The following NFIB variants were observed in gnomAD, a reference collection of about 807,000 sequenced individuals.
NFIB encodes the protein nuclear factor I B.
A neutral mutation model predicts 61.5 loss-of-function variants in NFIB; 11 were observed. The ratio of observed to expected loss-of-function variants is 0.18; its 90% CI spans 0.11 to 0.30. The LOEUF is 0.30. Among genes scored for constraint, NFIB ranks in the 10% least tolerant of loss-of-function variants. The probability of loss-of-function intolerance (pLI) is 1.00; values close to 1 mark genes in which losing one functional copy is unlikely to be tolerated. For missense variants in NFIB, 471 were observed against 608.9 expected (o/e 0.77, Z 2.38); for synonymous variants, 260 against 216.5 (o/e 1.20, Z -1.76).
the NFIB span, among the ~76,000 whole-genome samples, chr9:14,506,319 G>C: frequency 1.3e-5 from 2 of 152,098 alleles, no homozygotes; most frequent in African/African-American, 4.8e-5. Context: ...CCACCCATGA[G>C]AGCACCTGCC....
intron 1 of NFIB, among the ~76,000 whole-genome samples, chr9:14,375,771 A>G (rs1280397873): frequency 6.6e-6 from 1 of 152,198 alleles, no homozygotes; most frequent in Non-Finnish European, 1.5e-5. Flanking sequence ...ATCTTTTAAG[A>G]GGAAAAATTA....
At chr9:14,354,368 G>T (rs188258817) in intron 1 of NFIB, among the ~76,000 whole-genome samples, 124 of 152,298 alleles carry the variant, frequency 8.1e-4, no homozygotes, top group Non-Finnish European at 6.5e-4. Flanking sequence ...TAAAAATAAA[G>T]TACTAAAGTA....
intron 4 of NFIB, among the ~76,000 whole-genome samples, chr9:14,150,570 T>C (rs773949349): frequency 2.0e-5 from 3 of 152,118 alleles, no homozygotes; most frequent in Non-Finnish European, 4.4e-5. Context: ...GTCACTCTGC[T>C]AGTTAAAAAT....
chr9:14,497,584 C>G, the NFIB span, among the ~76,000 whole-genome samples: 10 of 152,182 alleles, frequency 6.6e-5, no homozygotes, highest in South Asian at 2.1e-4. Context: ...CATCTTATAG[C>G]AAATGAGGCA....
At chr9:14,366,090 C>CA (rs1307843365) in intron 1 of NFIB, among the ~76,000 whole-genome samples, 3 of 152,160 alleles carry the variant, frequency 2.0e-5, no homozygotes, top group African/African-American at 7.2e-5. Flanking sequence ...CAAAGTCTAC[C>CA]CTTGCACTAA....
intron 2 of NFIB, among the ~76,000 whole-genome samples, chr9:14,287,609 G>A (rs1355698319): frequency 6.6e-6 from 1 of 151,744 alleles, no homozygotes; most frequent in East Asian, 2.0e-4. Flanking sequence ...TTTTTTAGTA[G>A]AGACGGGGTT....
intron 10 of NFIB, among the ~76,000 whole-genome samples, chr9:14,100,576 G>T (rs1386794549): frequency 2.0e-5 from 3 of 152,172 alleles, no homozygotes; most frequent in Non-Finnish European, 2.9e-5. Flanking sequence ...CGGGCGTGGT[G>T]GCGGGCGCCT....
chr9:14,519,067 G>C, the NFIB span, among the ~76,000 whole-genome samples: 1 of 152,142 alleles, frequency 6.6e-6, no homozygotes, highest in African/African-American at 2.4e-5. Flanking sequence ...CTAATGAACA[G>C]CTCATTTTTA....
chr9:14,393,552 G>T (rs531026105), intron 1 of NFIB, among the ~76,000 whole-genome samples: 1 of 152,094 alleles, frequency 6.6e-6, no homozygotes, highest in Non-Finnish European at 1.5e-5. Flanking sequence ...GCTGTACCTG[G>T]TAACCTTTTC....
chr9:14,447,541 G>A, the NFIB span, among the ~76,000 whole-genome samples: 14 of 152,082 alleles, frequency 9.2e-5, 1 homozygote, highest in Admixed American at 3.3e-4. Flanking sequence ...GACAAACTGT[G>A]GCTATAAGTT....
chr9:14,459,417 G>C, the NFIB span, among the ~76,000 whole-genome samples: 5 of 152,116 alleles, frequency 3.3e-5, no homozygotes, highest in Non-Finnish European at 7.3e-5. Context: ...AAAAACCCTA[G>C]AAGAAAACCT....
rs1288124022 is a variant in NFIB, at chr9:14,103,800, G to GA, written c.1467+9198dup. 2.6e-5 allele frequency among the ~76,000 whole-genome samples: 4 copies of GA among 151,784 alleles called. No individual in the cohort carries two copies. In the East Asian group the frequency reaches 7.8e-4, roughly 29 times the overall value. ...AAGTGATTTTATGATTTAAAGAACTGAAAAAAATTCCCTGCATATACATAG... is the reference window on the plus strand; with the variant it reads ...AAGTGATTTTATGATTTAAAGAACTGAAAAAAAATTCCCTGCATATACATAG... On this transcript the variant is annotated intron_variant, in intron 10 of 10. Coordinates refer to ENST00000380953, the MANE Select transcript of NFIB (RefSeq NM_001190737.2).
At chr9:14,491,683 A>G in the NFIB span, among the ~76,000 whole-genome samples, 2 of 152,202 alleles carry the variant, frequency 1.3e-5, no homozygotes, top group East Asian at 3.8e-4. Flanking sequence ...ATTACTTCTT[A>G]TCTATTGAGT....
At chr9:14,517,939 T>G in the NFIB span, among the ~76,000 whole-genome samples, 1 of 152,216 alleles carries the variant, frequency 6.6e-6, no homozygotes, top group South Asian at 2.1e-4. Context: ...GCCTCTGTTA[T>G]GTAGCTCCAA....
At position 14,088,117 on chromosome 9, in the gene NFIB, G is replaced by A; in HGVS notation, c.*192C>T. 7.9e-7 allele frequency: 1 copy of A among 1,261,002 alleles called. No individual in the cohort carries two copies. The highest frequency in any genetic ancestry group is 1.0e-6 in the Non-Finnish European group (1 of 965,946). 78.1% of individuals were successfully genotyped at this position (1,261,002 alleles called of 1,614,324 possible). The stretch of plus-strand genomic sequence containing the variant: ...TTTCTTTCCTTTCTGCCTTTGTGTT[G>A]TTTTGTCCAGTCTTCCTCTTTTCCT... On this transcript the variant is annotated 3_prime_UTR_variant, in exon 11 of 11. Coordinates refer to ENST00000380953, the MANE Select transcript of NFIB (RefSeq NM_001190737.2).
At chr9:14,289,122 G>GTATATA (rs60051220) in intron 2 of NFIB, among the ~76,000 whole-genome samples, 1,501 of 139,776 alleles carry the variant, frequency 0.011, 30 homozygotes, top group African/African-American at 0.036. Flanking sequence ...GTGTGTATAT[G>GTATATA]TATATATATA....
intron 10 of NFIB, among the ~76,000 whole-genome samples, chr9:14,108,704 A>T (rs920078245): frequency 1.3e-5 from 2 of 151,918 alleles, no homozygotes; most frequent in African/African-American, 4.8e-5. Flanking sequence ...TATTATAGGT[A>T]ATATATATAT....
chr9:14,476,370 G>A, the NFIB span, among the ~76,000 whole-genome samples: 1 of 151,834 alleles, frequency 6.6e-6, no homozygotes, highest in Admixed American at 6.6e-5. Context: ...GGGGAGTACA[G>A]ATGATGCCCA....
the NFIB span, among the ~76,000 whole-genome samples, chr9:14,506,165 A>C: frequency 6.6e-6 from 1 of 152,200 alleles, no homozygotes; most frequent in Non-Finnish European, 1.5e-5. Context: ...TACATCCTAC[A>C]AAGTATGAAT....
Sources: gnomAD v4.1 joint callset for allele counts (sites outside exome capture counted in the v4.1 genomes callset) on GRCh38, gnomAD v4.1.1 for gene constraint, MANE v1.5 for transcripts, NCBI Gene and HGNC (gene_info 2026-07-23, HGNC 2026-07-21) for gene names.